Variants in IMMP2L observed in about 807,000 individuals in gnomAD.
IMMP2L encodes inner mitochondrial membrane peptidase subunit 2.
A neutral mutation model predicts 19.3 loss-of-function variants in IMMP2L; 18 were observed. That is an observed-to-expected ratio of 0.93 (90% CI 0.64 to 1.38). The LOEUF is 1.38. Among genes scored for constraint, IMMP2L ranks in the 40% most tolerant of loss-of-function variants. The pLI is 0.00. For missense variants in IMMP2L, 233 were observed against 218.2 expected (o/e 1.07, Z -0.43); for synonymous variants, 76 against 73.0 (o/e 1.04, Z -0.21).
At chr7:110,935,719 C>A (rs1360670770) in intron 4 of IMMP2L, among the ~76,000 whole-genome samples, 1 of 151,952 alleles carries the variant, frequency 6.6e-6, no homozygotes, top group African/African-American at 2.4e-5. Flanking sequence ...CATATGGAAC[C>A]AAAAAGGGCA....
chr7:111,091,592 A>C (rs752511973), intron 3 of IMMP2L: 2 of 152,088 alleles, frequency 1.3e-5, no homozygotes, highest in Non-Finnish European at 2.9e-5. Context: ...TCCTCCTTTG[A>C]TGTCTTCTTC....
chr7:110,880,243 T>C (rs1809508483), intron 5 of IMMP2L, among the ~76,000 whole-genome samples: 1 of 152,062 alleles, frequency 6.6e-6, no homozygotes, highest in Non-Finnish European at 1.5e-5. Context: ...CATTTATGGC[T>C]CCTTTATGCA....
At chr7:111,371,774 T>TA (rs1410646223) in intron 3 of IMMP2L, among the ~76,000 whole-genome samples, 2 of 152,026 alleles carry the variant, frequency 1.3e-5, no homozygotes. Flanking sequence ...GAGGTGGGTG[T>TA]AGTCATATGT....
chr7:110,997,446 T>C (rs1823157352), intron 3 of IMMP2L, among the ~76,000 whole-genome samples: 1 of 152,112 alleles, frequency 6.6e-6, no homozygotes, highest in Non-Finnish European at 1.5e-5. Context: ...GGTCAAATTG[T>C]TTTCCAGAGC....
At chr7:110,763,622 A>T (rs1004502240) in intron 5 of IMMP2L, among the ~76,000 whole-genome samples, 3 of 152,156 alleles carry the variant, frequency 2.0e-5, no homozygotes, top group Admixed American at 2.0e-4. Flanking sequence ...AACACTGACA[A>T]ACCACTTAAA....
chr7:111,011,868 G>T (rs1429456379), intron 3 of IMMP2L, among the ~76,000 whole-genome samples: 2 of 152,140 alleles, frequency 1.3e-5, no homozygotes, highest in Non-Finnish European at 2.9e-5. Flanking sequence ...CTATGGCTCT[G>T]GTAGGAGAGC....
intron 3 of IMMP2L, among the ~76,000 whole-genome samples, chr7:111,096,744 T>A (rs768269477): frequency 6.6e-6 from 1 of 151,882 alleles, no homozygotes; most frequent in African/African-American, 2.4e-5. Flanking sequence ...GAACCCCCAA[T>A]GGATCAAGTG....
chr7:111,349,806 T>C (rs944555392), intron 3 of IMMP2L, among the ~76,000 whole-genome samples: 2 of 152,144 alleles, frequency 1.3e-5, no homozygotes, highest in African/African-American at 4.8e-5. Context: ...GCCTTCTAGC[T>C]TGACTTCCTC....
At chr7:110,833,494 T>A (rs1056222709) in intron 5 of IMMP2L, among the ~76,000 whole-genome samples, 1 of 151,872 alleles carries the variant, frequency 6.6e-6, no homozygotes, top group Non-Finnish European at 1.5e-5. Flanking sequence ...AGAGTATTTT[T>A]AATTATGTCT....
intron 5 of IMMP2L, among the ~76,000 whole-genome samples, chr7:110,767,796 GT>G (rs1192218476): frequency 6.6e-6 from 1 of 152,100 alleles, no homozygotes; most frequent in African/African-American, 2.4e-5. Flanking sequence ...AGCCAGGAGG[GT>G]TTTTCTAAAG....
At chr7:111,353,905 G>A (rs1484156792) in intron 3 of IMMP2L, among the ~76,000 whole-genome samples, 1 of 151,972 alleles carries the variant, frequency 6.6e-6, no homozygotes, top group Non-Finnish European at 1.5e-5. Context: ...TCCTTCTTCT[G>A]TGTCTTCTGA....
intron 3 of IMMP2L, among the ~76,000 whole-genome samples, chr7:111,218,137 T>C (rs1008010559): frequency 6.6e-6 from 1 of 152,082 alleles, no homozygotes; most frequent in South Asian, 2.1e-4. Context: ...ATATGAATTG[T>C]TTAGCTTAGC....
Position 110,870,480 on chromosome 7 carries a change from G to T in IMMP2L, c.408+16113C>A, listed in dbSNP as rs540861535. On this transcript the variant is annotated intron_variant, in intron 5 of 5. Transcript: ENST00000405709. The surrounding 1 kb of genome is among the most constrained non-coding windows in gnomAD (Gnocchi z 4.2). The stretch of plus-strand genomic sequence containing the variant: ...CATGAAGCTCAATTTTCTATTGGAG[G>T]AGATAAAAATATAAACATGAATAAA... 6.6e-6 allele frequency among the ~76,000 whole-genome samples: 1 copy of T among 152,220 alleles called. No individual in the cohort carries two copies. The highest frequency in any genetic ancestry group is 1.9e-4 in the East Asian group (1 of 5,172).
chr7:111,521,294 G>C lies in IMMP2L; in HGVS notation c.135+19C>G. ...CAATGAAGTATGTGCTTTAAAGAAC[G>C]AAGTTATATCATTTTCACCTGCATC... On this transcript the variant is annotated intron_variant, in intron 2 of 5. Transcript: ENST00000405709. 1 of 1,604,426 alleles carries C rather than the reference G, an allele frequency of 6.2e-7. No homozygotes were observed.
intron 3 of IMMP2L, among the ~76,000 whole-genome samples, chr7:111,329,580 CTGA>C (rs1825672427): frequency 1.3e-5 from 2 of 151,874 alleles, no homozygotes; most frequent in African/African-American, 4.8e-5. Context: ...GCTCAGAACA[CTGA>C]TAACAGAAAG....
At chr7:111,376,813 TA>T (rs1247153275) in intron 3 of IMMP2L, among the ~76,000 whole-genome samples, 2 of 152,112 alleles carry the variant, frequency 1.3e-5, no homozygotes, top group Non-Finnish European at 2.9e-5. Context: ...ACATATCATG[TA>T]ATTCCATTTA....
chr7:111,500,191 T>C lies in IMMP2L; in HGVS notation c.136-12850A>G, dbSNP rs765460027. ...CCTGGCTCAGAGGGTCCTATGCCCA[T>C]GGAGTCTCGCTGATTGCTAGCACAG... On this transcript the variant is annotated intron_variant, in intron 2 of 5. Transcript: ENST00000405709. Among the ~76,000 whole-genome samples, 27 of 152,128 alleles carry C rather than the reference T, an allele frequency of 1.8e-4. 1 individual carries two copies. Among genetic ancestry groups the C allele is most frequent in the Non-Finnish European group, 3.2e-4 (22 of 68,022 alleles).
rs1387381064 is a variant in IMMP2L, at chr7:110,727,492, C to A, written c.409-63771G>T. On this transcript the variant is annotated intron_variant, in intron 5 of 5. Coordinates refer to ENST00000405709, the MANE Select transcript of IMMP2L (RefSeq NM_032549.4). This position sits in a 1 kb window ranked among gnomAD's most constrained non-coding sequence, Gnocchi z 4.3. ...ATGGAACTTATCAAGGAAGAACTTT[C>A]CTATCACTGTTTCCTCCTCTCCCTC... Among the ~76,000 whole-genome samples the A allele has an allele frequency of 6.6e-6, 1 of 152,134 alleles. No homozygotes were observed. The highest frequency in any genetic ancestry group is 1.5e-5 in the Non-Finnish European group (1 of 68,018).
intron 3 of IMMP2L, among the ~76,000 whole-genome samples, chr7:111,354,531 G>C (rs1297064438): frequency 6.6e-6 from 1 of 151,314 alleles, no homozygotes; most frequent in Admixed American, 6.6e-5. Context: ...TGAAAGTCAA[G>C]AGGGACGAGA....
Sources: gnomAD v4.1 joint callset for allele counts (sites outside exome capture counted in the v4.1 genomes callset) on GRCh38, gnomAD v4.1.1 for gene constraint, Gnocchi (gnomAD v3.1) non-coding constraint, MANE v1.5 for transcripts, NCBI Gene and HGNC (gene_info 2026-07-23, HGNC 2026-07-21) for gene names.